Variants in COL13A1 observed in about 807,000 individuals in gnomAD.
COL13A1 encodes collagen alpha-1(XIII) chain.
COL13A1 carries 89 observed loss-of-function variants against 130.9 expected under a neutral mutation model. The ratio of observed to expected loss-of-function variants is 0.68; its 90% confidence interval spans 0.57 to 0.81. The LOEUF is 0.81. Ranked by LOEUF, COL13A1 falls within the 30% of genes least tolerant of loss-of-function variation. The probability of loss-of-function intolerance (pLI) is 0.00; values close to 1 mark genes in which losing one functional copy is unlikely to be tolerated. For synonymous variants in COL13A1, 402 were observed against 341.6 expected (o/e 1.18, Z -1.95); for missense variants, 879 against 934.6 (o/e 0.94, Z 0.78).
At chr10:69,936,666 C>T (rs996094804) in intron 32 of COL13A1, 90 bp from the exon 33 acceptor site, 159 of 1,525,422 alleles carry the variant, frequency 1.0e-4, no homozygotes, top group Non-Finnish European at 1.3e-4. Flanking sequence ...GCACCCAAAA[C>T]CCTTGTTCTT....
intron 27 of COL13A1, among the ~76,000 whole-genome samples, chr10:69,928,410 G>T (rs536592956): frequency 6.6e-6 from 1 of 152,272 alleles, no homozygotes; most frequent in South Asian, 2.1e-4. Context: ...CTGTAGATTA[G>T]GTGTGTCTTT....
chr10:69,818,958 C>G (rs2132510762), intron 1 of COL13A1, among the ~76,000 whole-genome samples: 1 of 152,330 alleles, frequency 6.6e-6, no homozygotes, highest in African/African-American at 2.4e-5. Flanking sequence ...CTCACAGCTC[C>G]CACTCCCGAC....
chr10:69,874,476 G>C (rs986038209), intron 4 of COL13A1, among the ~76,000 whole-genome samples: 1 of 152,230 alleles, frequency 6.6e-6, no homozygotes, highest in African/African-American at 2.4e-5. Flanking sequence ...CAGATTTCCA[G>C]AGTGAGATGT....
intron 17 of COL13A1, among the ~76,000 whole-genome samples, chr10:69,912,222 C>G (rs763964053): frequency 2.0e-5 from 3 of 152,160 alleles, no homozygotes; most frequent in Non-Finnish European, 4.4e-5. Flanking sequence ...GAACTAACTA[C>G]AAAATCAACC....
At chr10:69,932,628 A>C (rs761783502) in intron 31 of COL13A1, 24 bp downstream of exon 31, 1 of 1,527,104 alleles carries the variant, frequency 6.5e-7, no homozygotes, top group East Asian at 2.3e-5. Context: ...AATTTGACAG[A>C]GACTCATCAA....
chr10:69,882,393 C>CT (rs1357735466), intron 7 of COL13A1, among the ~76,000 whole-genome samples: 1 of 152,162 alleles, frequency 6.6e-6, no homozygotes, highest in Non-Finnish European at 1.5e-5. Flanking sequence ...CTCCCGGCCT[C>CT]TGCCCAGCAT....
chr10:69,838,616 A>G (rs1239298397), intron 2 of COL13A1, among the ~76,000 whole-genome samples: 1 of 152,200 alleles, frequency 6.6e-6, no homozygotes, highest in Non-Finnish European at 1.5e-5. Context: ...AGCCTCTGAA[A>G]CACCACTACC....
intron 27 of COL13A1, 145 bp downstream of exon 27, chr10:69,927,255 T>C (rs576014786): frequency 1.5e-6 from 2 of 1,344,412 alleles, no homozygotes; most frequent in South Asian, 2.4e-5. Flanking sequence ...CTGGGGCAGA[T>C]GATGATCTGA....
rs190150285 is a variant in COL13A1 at position 69,921,710 on chromosome 10, C to A, written c.1090-172C>A. On this transcript the variant is annotated intron_variant, in intron 21 of 40. Transcript: ENST00000645393. ...AACGCGAAGTGACCCATGGAAGTAG[C>A]CAGTCAGGATGGGGGCCGGGAGGAA... 1.9e-3 allele frequency among the ~76,000 whole-genome samples: 289 copies of A among 152,318 alleles called. 1 individual carries two copies. Among genetic ancestry groups the A allele is most frequent in the Non-Finnish European group, 3.0e-3 (205 of 68,026 alleles).
chr10:69,937,491 A>C, intron 33 of COL13A1, 144 bp from the exon 34 acceptor site: 1 of 597,438 alleles, frequency 1.7e-6, no homozygotes, highest in Non-Finnish European at 3.0e-6. Context: ...CTAAGAATTC[A>C]GGGATTCTTG....
chr10:69,861,055 T>C (rs1487139286), intron 2 of COL13A1, among the ~76,000 whole-genome samples: 6 of 152,132 alleles, frequency 3.9e-5, no homozygotes, highest in Admixed American at 3.3e-4. Context: ...CACACCCTCC[T>C]GCGTCCACAG....
chr10:69,949,359 T>C (rs1048296170), intron 38 of COL13A1, among the ~76,000 whole-genome samples: 34 of 152,154 alleles, frequency 2.2e-4, no homozygotes, highest in African/African-American at 8.2e-4. Context: ...ATTTTTTGTA[T>C]TTTAGTAGAG....
chr10:69,936,178 A>AAGGAAGGAAGG (rs201007973), intron 32 of COL13A1, among the ~76,000 whole-genome samples: 1 of 7,316 alleles, frequency 1.4e-4, no homozygotes. Flanking sequence ...GGAAGGAAGG[A>AAGGAAGGAAGG]AAGGAAAGGA....
chr10:69,905,716 G>A (rs2062680684), intron 16 of COL13A1, 71 bp from the exon 17 acceptor site: 1 of 1,545,238 alleles, frequency 6.5e-7, no homozygotes, highest in African/African-American at 1.4e-5. Context: ...ATGGTATTGT[G>A]TGGGGAACAG....
intron 34 of COL13A1, among the ~76,000 whole-genome samples, chr10:69,939,153 A>G (rs1385135986): frequency 1.3e-5 from 2 of 152,218 alleles, no homozygotes; most frequent in African/African-American, 2.4e-5. Flanking sequence ...AAGCATTCAT[A>G]TGAGACAACT....
At chr10:69,848,773 C>T (rs925345792) in intron 2 of COL13A1, among the ~76,000 whole-genome samples, 2 of 152,126 alleles carry the variant, frequency 1.3e-5, no homozygotes, top group Non-Finnish European at 2.9e-5. Context: ...AAGCATTCCC[C>T]ACAGAAGAGC....
chr10:69,884,137 G>T (rs2060392040), intron 7 of COL13A1, among the ~76,000 whole-genome samples: 1 of 152,182 alleles, frequency 6.6e-6, no homozygotes, highest in Admixed American at 6.5e-5. Context: ...ATGCCGTAAA[G>T]TCCAATGGGA....
At chr10:69,915,942 G>A (rs904184012) in intron 17 of COL13A1, among the ~76,000 whole-genome samples, 3 of 152,328 alleles carry the variant, frequency 2.0e-5, no homozygotes, top group African/African-American at 4.8e-5. Flanking sequence ...GGGTCAGAAC[G>A]TCATGCTCAG....
intron 20 of COL13A1, 62 bp from the exon 21 acceptor site, chr10:69,919,603 C>T (rs2064365249): frequency 2.5e-6 from 1 of 398,790 alleles, no homozygotes; most frequent in Non-Finnish European, 4.4e-6. Context: ...GATCACTGCC[C>T]ATCCTACCCC....
Sources: allele counts gnomAD v4.1 joint callset (sites outside exome capture counted in the v4.1 genomes callset), GRCh38; gene constraint gnomAD v4.1.1; transcripts MANE v1.5; gene names NCBI Gene and HGNC (gene_info 2026-07-23, HGNC 2026-07-21).